SNTG1: variants seen among roughly 807,000 people sequenced by gnomAD.
SNTG1 encodes the protein syntrophin gamma 1.
A neutral mutation model predicts 74.7 loss-of-function variants in SNTG1; 39 were observed. That is an observed-to-expected ratio of 0.52 (90% CI 0.40 to 0.68). SNTG1 has a LOEUF of 0.68. SNTG1 is among the 30% of genes least tolerant of loss of function. The probability of loss-of-function intolerance (pLI) is 0.00; values close to 1 mark genes in which losing one functional copy is unlikely to be tolerated. For synonymous variants in SNTG1, 254 were observed against 217.1 expected, an observed-to-expected ratio of 1.17 and a Z score of -1.49; for missense variants, 685 against 609.5, an observed-to-expected ratio of 1.12 and a Z score of -1.30.
At chr8:50,208,369 A>G (rs555718683) in intron 2 of SNTG1, among the ~76,000 whole-genome samples, 1 of 152,300 alleles carries the variant, frequency 6.6e-6, no homozygotes, top group South Asian at 2.1e-4. Context: ...TTTATCAGAG[A>G]CTGGGATTGT....
chr8:50,613,248 T>G (rs1433359654), intron 13 of SNTG1, among the ~76,000 whole-genome samples: 3 of 152,168 alleles, frequency 2.0e-5, no homozygotes. Flanking sequence ...GTGGTGAGAC[T>G]AGAAACGTAG....
intron 2 of SNTG1, among the ~76,000 whole-genome samples, chr8:50,320,491 TTTC>T (rs1420271218): frequency 6.6e-6 from 1 of 151,988 alleles, no homozygotes; most frequent in Non-Finnish European, 1.5e-5. Flanking sequence ...TTTGTATTGT[TTTC>T]TTCATTTCAA....
chr8:50,184,761 T>C (rs2083322086), intron 2 of SNTG1, among the ~76,000 whole-genome samples: 1 of 152,110 alleles, frequency 6.6e-6, no homozygotes, highest in South Asian at 2.1e-4. Context: ...GGTTAAACAA[T>C]AGATATTAGT....
intron 2 of SNTG1, among the ~76,000 whole-genome samples, chr8:50,221,464 A>T (rs908854655): frequency 6.6e-6 from 1 of 151,754 alleles, no homozygotes. Context: ...AAAAATAGAG[A>T]TGATAATGCA....
At chr8:50,439,549 A>G (rs1296122314) in intron 5 of SNTG1, among the ~76,000 whole-genome samples, 2 of 152,058 alleles carry the variant, frequency 1.3e-5, no homozygotes, top group East Asian at 3.9e-4. Flanking sequence ...GAATATTGCT[A>G]TAAAGAGCAC....
intron 13 of SNTG1, among the ~76,000 whole-genome samples, chr8:50,615,085 C>T (rs1294249502): frequency 3.3e-5 from 5 of 151,558 alleles, no homozygotes; most frequent in African/African-American, 7.3e-5. Context: ...TAGGACTACC[C>T]GCGCCTGACA....
chr8:50,320,010 G>A (rs563898884), intron 2 of SNTG1, among the ~76,000 whole-genome samples: 5 of 152,282 alleles, frequency 3.3e-5, no homozygotes, highest in African/African-American at 1.2e-4. Context: ...TGGTGTCAGG[G>A]TAATACTGAC....
chr8:50,243,942 G>A (rs1011218903), intron 2 of SNTG1, among the ~76,000 whole-genome samples: 1 of 152,098 alleles, frequency 6.6e-6, no homozygotes, highest in African/African-American at 2.4e-5. Flanking sequence ...GGGGGAAGGA[G>A]AATATATTAG....
intron 2 of SNTG1, among the ~76,000 whole-genome samples, chr8:50,377,569 T>A (rs894392800): frequency 6.6e-6 from 1 of 152,172 alleles, no homozygotes; most frequent in African/African-American, 2.4e-5. Context: ...AATCAATGGT[T>A]GAAAAGACTT....
At chr8:50,561,260 C>T (rs1037462064) in intron 12 of SNTG1, among the ~76,000 whole-genome samples, 3 of 152,104 alleles carry the variant, frequency 2.0e-5, no homozygotes, top group African/African-American at 7.2e-5. Context: ...TTGCTTCCAC[C>T]ATGATTGTAA....
intron 4 of SNTG1, among the ~76,000 whole-genome samples, chr8:50,436,835 A>G (rs888337703): frequency 6.6e-6 from 1 of 152,142 alleles, no homozygotes; most frequent in Non-Finnish European, 1.5e-5. Flanking sequence ...CTTATAATGC[A>G]CATGTTTAAC....
At chr8:50,730,721 A>G (rs934298038) in intron 17 of SNTG1, among the ~76,000 whole-genome samples, 3 of 152,232 alleles carry the variant, frequency 2.0e-5, no homozygotes, top group African/African-American at 7.2e-5. Context: ...AGAAAGATCC[A>G]TCATAAAATA....
chr8:50,124,591 G>T lies in SNTG1; in HGVS notation c.-102-47970G>T, dbSNP rs1210168534. Among the ~76,000 whole-genome samples the T allele has an allele frequency of 2.1e-5, 3 of 142,092 alleles. No homozygotes were observed. In the East Asian group the frequency reaches 6.1e-4, roughly 29 times the overall value. The allele number at this position is 142,092 out of a possible 152,430, so 93.2% of individuals were successfully genotyped here. Reference sequence around the variant, plus strand: ...GCTGAATAGCAATACGGTCCTAATTGCATGATTGAAATGGACTTTGAAGCT... The same window carrying T: ...GCTGAATAGCAATACGGTCCTAATTTCATGATTGAAATGGACTTTGAAGCT... On this transcript the variant is annotated intron_variant, in intron 1 of 18. Transcript: ENST00000642720.
At chr8:50,652,199 C>T (rs10111120) in intron 13 of SNTG1, among the ~76,000 whole-genome samples, 32,650 of 152,070 alleles carry the variant, frequency 0.21, 3,918 homozygotes, top group African/African-American at 0.31. Flanking sequence ...TGGCAAAACG[C>T]ATTTAATACG....
intron 13 of SNTG1, among the ~76,000 whole-genome samples, chr8:50,651,523 T>A (rs568827969): frequency 6.6e-6 from 1 of 152,194 alleles, no homozygotes; most frequent in Non-Finnish European, 1.5e-5. Context: ...AATGGCATGA[T>A]CTTGGCTCAC....
At chr8:50,547,893 T>A (rs181524785) in intron 11 of SNTG1, among the ~76,000 whole-genome samples, 5 of 152,234 alleles carry the variant, frequency 3.3e-5, no homozygotes, top group Admixed American at 3.3e-4. Flanking sequence ...TCAAATGCCT[T>A]CGAGATGGCA....
intron 1 of SNTG1, among the ~76,000 whole-genome samples, chr8:49,944,316 A>G (rs1481541453): frequency 6.6e-6 from 1 of 152,134 alleles, no homozygotes; most frequent in African/African-American, 2.4e-5. Context: ...TCAGGGATTA[A>G]TGGAATTTGC....
At chr8:50,281,836 T>A (rs147760059) in intron 2 of SNTG1, among the ~76,000 whole-genome samples, 27 of 152,304 alleles carry the variant, frequency 1.8e-4, no homozygotes, top group African/African-American at 5.8e-4. Context: ...ATTGAACGTA[T>A]AGGATCTGTT....
chr8:49,917,245 T>G (rs571828546), intron 1 of SNTG1, among the ~76,000 whole-genome samples: 3 of 152,140 alleles, frequency 2.0e-5, no homozygotes, highest in Non-Finnish European at 4.4e-5. Context: ...AGCTATATCC[T>G]TGGTCCTATT....
Sources: allele counts gnomAD v4.1 joint callset (sites outside exome capture counted in the v4.1 genomes callset), GRCh38; gene constraint gnomAD v4.1.1; transcripts MANE v1.5; gene names NCBI Gene and HGNC (gene_info 2026-07-23, HGNC 2026-07-21).